Variants in DPRX observed in about 807,000 individuals in gnomAD.
DPRX encodes divergent paired-related homeobox.
In DPRX, 11 loss-of-function variants were observed where a neutral mutation model predicts 8.4. That is an observed-to-expected ratio of 1.31 (90% confidence interval 0.82 to 2.17). The LOEUF is 2.17. Ranked by LOEUF, DPRX falls within the 30% of genes most tolerant of loss-of-function variation. The probability of loss-of-function intolerance (pLI) is 0.00; values close to 1 mark genes in which losing one functional copy is unlikely to be tolerated. For synonymous variants in DPRX, 72 were observed against 87.0 expected (o/e 0.83, Z 0.96); for missense variants, 211 against 236.7 (o/e 0.89, Z 0.71).
chr19:53,605,195 G>A, the DPRX span, among the ~76,000 whole-genome samples: 1 of 151,988 alleles, frequency 6.6e-6, no homozygotes, highest in Non-Finnish European at 1.5e-5. Flanking sequence ...ACTGGCATGG[G>A]TAAGAGTGAG....
At chr19:53,619,520 C>T in the DPRX span, among the ~76,000 whole-genome samples, 8 of 152,000 alleles carry the variant, frequency 5.3e-5, no homozygotes, top group Non-Finnish European at 1.2e-4. Context: ...ACTAAAAATA[C>T]AAAAATTAGC....
the DPRX span, among the ~76,000 whole-genome samples, chr19:53,617,658 T>G: frequency 1.8e-4 from 27 of 150,782 alleles, no homozygotes; most frequent in East Asian, 5.1e-3. Context: ...TAATATGAGA[T>G]GTAGAAAAGA....
At chr19:53,602,925 C>A in the DPRX span, among the ~76,000 whole-genome samples, 1 of 151,532 alleles carries the variant, frequency 6.6e-6, no homozygotes, top group East Asian at 2.0e-4. Context: ...GATCCACTTG[C>A]CTCAGCCTTC....
chr19:53,622,220 C>T, the DPRX span, among the ~76,000 whole-genome samples: 1 of 152,180 alleles, frequency 6.6e-6, no homozygotes, highest in African/African-American at 2.4e-5. Context: ...AGATTCTTAT[C>T]TGTGAGATGC....
intron 2 of DPRX, among the ~76,000 whole-genome samples, 164 bp downstream of exon 2, chr19:53,634,849 A>G (rs988848776): frequency 1.3e-5 from 2 of 152,176 alleles, no homozygotes; most frequent in African/African-American, 2.4e-5. Flanking sequence ...CCCCTAGAGC[A>G]AGAATGGGAA....
At chr19:53,611,913 G>A in the DPRX span, among the ~76,000 whole-genome samples, 2 of 151,878 alleles carry the variant, frequency 1.3e-5, no homozygotes, top group Non-Finnish European at 1.5e-5. Flanking sequence ...GTGAAAACCC[G>A]TCTCTGTTAA....
At chr19:53,615,368 C>T in the DPRX span, among the ~76,000 whole-genome samples, 1 of 152,110 alleles carries the variant, frequency 6.6e-6, no homozygotes, top group African/African-American at 2.4e-5. Context: ...GTAACCTCCA[C>T]CTCCTGGGTT....
At chr19:53,628,988 A>G (rs1244721950), upstream of DPRX, among the ~76,000 whole-genome samples, 1 of 151,910 alleles carries the variant, frequency 6.6e-6, no homozygotes, top group Non-Finnish European at 1.5e-5. Flanking sequence ...GGATTAAACA[A>G]TATGGTTTAT....
the DPRX span, among the ~76,000 whole-genome samples, chr19:53,604,843 C>CAAAAAAA: frequency 1.1e-5 from 1 of 94,638 alleles, no homozygotes; most frequent in Non-Finnish European, 2.3e-5. Flanking sequence ...ACTCTGTCTC[C>CAAAAAAA]AAAAAAAAAA....
the DPRX span, among the ~76,000 whole-genome samples, chr19:53,611,225 CAAAA>C: frequency 6.6e-6 from 1 of 151,826 alleles, no homozygotes; most frequent in Non-Finnish European, 1.5e-5. Context: ...CTAAAAAAAA[CAAAA>C]AATCCTTTTT....
the DPRX span, among the ~76,000 whole-genome samples, chr19:53,619,592 T>G: frequency 5.3e-5 from 8 of 151,606 alleles, no homozygotes; most frequent in African/African-American, 1.2e-4. Flanking sequence ...GGAGAATCAC[T>G]TGAACCTGGG....
chr19:53,610,866 A>C, the DPRX span, among the ~76,000 whole-genome samples: 1 of 152,218 alleles, frequency 6.6e-6, no homozygotes, highest in East Asian at 1.9e-4. Context: ...GTAGACAAAT[A>C]AGGAGGCCAC....
chr19:53,632,237 T>C, intron 1 of DPRX, 103 bp downstream of exon 1: 1 of 1,489,730 alleles, frequency 6.7e-7, no homozygotes, highest in Non-Finnish European at 9.3e-7. Context: ...AGCTGGTGCT[T>C]CGTCCACGTG....
chr19:53,610,600 CG>C, the DPRX span, among the ~76,000 whole-genome samples: 1 of 146,716 alleles, frequency 6.8e-6, no homozygotes, highest in Non-Finnish European at 1.5e-5. Context: ...GGAGCTCTGC[CG>C]GGGGCAGGTG....
chr19:53,612,934 G>A, the DPRX span, among the ~76,000 whole-genome samples: 3 of 152,042 alleles, frequency 2.0e-5, no homozygotes, highest in Non-Finnish European at 4.4e-5. Flanking sequence ...TCTCTGGAAT[G>A]AGGGTCATAG....
rs1358779367 is a variant in DPRX at position 53,634,515 on chromosome 19, TTCC to T, written c.29-10_29-8del. The T allele has an allele frequency of 5.6e-6, 9 of 1,600,170 alleles. No individual in the cohort carries two copies. In the East Asian group the frequency reaches 2.0e-4, roughly 36 times the overall value. ...GTTAGCATTTCCCATTTGTGTCTTT[TTCC>T]TCCTCTTTCAAGGCAAGGACCAGAT... On this transcript the variant is annotated splice_polypyrimidine_tract_variant and intron_variant, in intron 1 of 2. Coordinates refer to ENST00000376650, the Ensembl canonical transcript of DPRX.
the DPRX span, among the ~76,000 whole-genome samples, chr19:53,626,725 T>A: frequency 6.6e-6 from 1 of 152,124 alleles, no homozygotes; most frequent in African/African-American, 2.4e-5. Context: ...CTGTTCGACA[T>A]CTTTTTACTC....
intron 2 of DPRX, among the ~76,000 whole-genome samples, chr19:53,636,280 C>T (rs1401117201): frequency 1.3e-5 from 2 of 151,822 alleles, no homozygotes; most frequent in Non-Finnish European, 2.9e-5. Flanking sequence ...GCAGAAGCAT[C>T]GCTTGAACCT....
At chr19:53,616,835 C>A in the DPRX span, 3 of 1,599,920 alleles carry the variant, frequency 1.9e-6, no homozygotes, top group Non-Finnish European at 1.7e-6. Context: ...CCGTTCTTAG[C>A]GCTTGAATGT....
Sources: gnomAD v4.1 joint callset for allele counts (sites outside exome capture counted in the v4.1 genomes callset) on GRCh38, gnomAD v4.1.1 for gene constraint, MANE v1.5 for transcripts, NCBI Gene and HGNC (gene_info 2026-07-23, HGNC 2026-07-21) for gene names.